The following LRRC4C variants were observed in gnomAD, a reference collection of about 807,000 sequenced individuals.
LRRC4C encodes the protein leucine rich repeat containing 4C.
In LRRC4C, 5 loss-of-function variants were observed where a neutral mutation model predicts 33.6. The ratio of observed to expected loss-of-function variants is 0.15; its 90% CI spans 0.08 to 0.31. LRRC4C has a LOEUF of 0.31. Ranked by LOEUF, LRRC4C falls within the 10% of genes least tolerant of loss-of-function variation. The probability of loss-of-function intolerance (pLI) is 1.00; values close to 1 mark genes in which losing one functional copy is unlikely to be tolerated. For missense variants in LRRC4C, 560 were observed against 796.7 expected (o/e 0.70, Z 3.58); for synonymous variants, 329 against 302.0 (o/e 1.09, Z -0.93).
intron 3 of LRRC4C, among the ~76,000 whole-genome samples, chr11:40,541,940 A>T (rs556760604): frequency 2.2e-4 from 34 of 152,096 alleles, no homozygotes; most frequent in Non-Finnish European, 3.7e-4. Context: ...CAGTTTTTTG[A>T]GATTCTTGAT....
intron 3 of LRRC4C, among the ~76,000 whole-genome samples, chr11:40,506,692 T>C (rs1013119597): frequency 4.6e-5 from 7 of 152,092 alleles, no homozygotes; most frequent in African/African-American, 1.7e-4. Flanking sequence ...AAAATAGCCA[T>C]AAAAATTAGG....
At chr11:40,921,348 A>G (rs1957168817) in intron 2 of LRRC4C, among the ~76,000 whole-genome samples, 1 of 152,314 alleles carries the variant, frequency 6.6e-6, no homozygotes, top group African/African-American at 2.4e-5. Context: ...TTTAAGATGG[A>G]GGAGGCCAGG....
At chr11:40,925,701 A>T (rs571753604) in intron 2 of LRRC4C, among the ~76,000 whole-genome samples, 48 of 152,308 alleles carry the variant, frequency 3.2e-4, no homozygotes, top group African/African-American at 1.0e-3. Flanking sequence ...TCCTGAAATT[A>T]TCACTATGTA....
intron 1 of LRRC4C, among the ~76,000 whole-genome samples, chr11:40,989,299 CTG>C (rs1853328936): frequency 6.6e-6 from 1 of 152,128 alleles, no homozygotes. Flanking sequence ...AATGACTGTT[CTG>C]TGTCAGGCAC....
intron 3 of LRRC4C, among the ~76,000 whole-genome samples, chr11:40,602,193 C>CAAAA (rs375091552): frequency 3.2e-5 from 3 of 93,804 alleles, no homozygotes; most frequent in Non-Finnish European, 5.7e-5. Context: ...GAATCTGTCT[C>CAAAA]AAAAAAAAAA....
At chr11:41,066,276 G>A (rs1938229297) in intron 1 of LRRC4C, among the ~76,000 whole-genome samples, 1 of 152,148 alleles carries the variant, frequency 6.6e-6, no homozygotes, top group African/African-American at 2.4e-5. Context: ...TCATACACAA[G>A]TATCAATAGC....
At chr11:40,333,035 G>T (rs865887890) in intron 3 of LRRC4C, among the ~76,000 whole-genome samples, 4 of 152,162 alleles carry the variant, frequency 2.6e-5, no homozygotes, top group Non-Finnish European at 4.4e-5. Context: ...GCAAATAGGT[G>T]CACTTATGAC....
chr11:41,452,055 A>G (rs1332077397), intron 1 of LRRC4C, among the ~76,000 whole-genome samples: 1 of 152,078 alleles, frequency 6.6e-6, no homozygotes, highest in Non-Finnish European at 1.5e-5. Flanking sequence ...TTCACTTCAC[A>G]CATATTTTTT....
intron 3 of LRRC4C, among the ~76,000 whole-genome samples, chr11:40,358,343 G>T (rs941248686): frequency 6.6e-6 from 1 of 151,988 alleles, no homozygotes; most frequent in East Asian, 1.9e-4. Flanking sequence ...TGTAGCGGTG[G>T]GATCTTGGCT....
chr11:41,046,193 C>T (rs1044938897), intron 1 of LRRC4C, among the ~76,000 whole-genome samples: 13 of 152,084 alleles, frequency 8.5e-5, no homozygotes, highest in Non-Finnish European at 1.5e-4. Context: ...CATTAGATAA[C>T]GTGCTTTGTG....
intron 3 of LRRC4C, among the ~76,000 whole-genome samples, chr11:40,350,929 G>T (rs1947354487): frequency 6.6e-6 from 1 of 151,942 alleles, no homozygotes; most frequent in Admixed American, 6.6e-5. Context: ...ATTTTTGTAT[G>T]TTGATTTTGT....
intron 3 of LRRC4C, among the ~76,000 whole-genome samples, chr11:40,339,835 C>T (rs1946789223): frequency 6.6e-6 from 1 of 151,934 alleles, no homozygotes; most frequent in South Asian, 2.1e-4. Context: ...GAATTTTCTC[C>T]AAGGAGCAAT....
At chr11:40,740,392 C>A (rs1329500316) in intron 2 of LRRC4C, among the ~76,000 whole-genome samples, 1 of 151,882 alleles carries the variant, frequency 6.6e-6, no homozygotes, top group Non-Finnish European at 1.5e-5. Flanking sequence ...AGAGTTTTAA[C>A]CTTCACTGTT....
intron 3 of LRRC4C, among the ~76,000 whole-genome samples, chr11:40,614,689 G>A (rs1393588833): frequency 1.5e-4 from 22 of 151,596 alleles, no homozygotes; most frequent in Non-Finnish European, 8.9e-5. Context: ...CTTAAGGTGA[G>A]AGCCATGTGA....
chr11:40,947,810 G>A (rs577597346), intron 1 of LRRC4C, among the ~76,000 whole-genome samples: 1 of 152,026 alleles, frequency 6.6e-6, no homozygotes, highest in African/African-American at 2.4e-5. Context: ...CCAGCTCTTT[G>A]ACTGTGTCCC....
intron 1 of LRRC4C, among the ~76,000 whole-genome samples, chr11:41,174,080 T>C (rs1945093957): frequency 6.6e-6 from 1 of 152,004 alleles, no homozygotes; most frequent in Non-Finnish European, 1.5e-5. Flanking sequence ...ACCAATGAAA[T>C]CATATTGCCT....
At chr11:40,582,294 G>A (rs1447043647) in intron 3 of LRRC4C, among the ~76,000 whole-genome samples, 1 of 152,092 alleles carries the variant, frequency 6.6e-6, no homozygotes, top group Non-Finnish European at 1.5e-5. Context: ...ATTTATCAGT[G>A]CATTGGATTG....
intron 1 of LRRC4C, among the ~76,000 whole-genome samples, chr11:41,252,630 A>C (rs916277772): frequency 1.3e-5 from 2 of 152,150 alleles, no homozygotes; most frequent in African/African-American, 4.8e-5. Context: ...AAAAAGCAAC[A>C]AAAAATGTCC....
At chr11:40,141,051 T>C (rs2134973754) in intron 5 of LRRC4C, among the ~76,000 whole-genome samples, 198 bp from the exon 6 acceptor site, 1 of 152,230 alleles carries the variant, frequency 6.6e-6, no homozygotes, top group South Asian at 2.1e-4. Flanking sequence ...TTTTGAACAA[T>C]GCATTTTTTA....
Sources: gnomAD v4.1 joint callset for allele counts (sites outside exome capture counted in the v4.1 genomes callset) on GRCh38, gnomAD v4.1.1 for gene constraint, MANE v1.5 for transcripts, NCBI Gene and HGNC (gene_info 2026-07-23, HGNC 2026-07-21) for gene names.